The following HIP1 variants were observed in gnomAD, a reference collection of about 807,000 sequenced individuals.
HIP1 encodes huntingtin interacting protein 1, also known as huntingtin-interacting protein 1.
A neutral mutation model predicts 147.6 loss-of-function variants in HIP1; 65 were observed. The observed-to-expected ratio is 0.44, with a 90% CI of 0.36 to 0.54. HIP1 has a LOEUF of 0.54. HIP1 is among the 20% of genes least tolerant of loss of function. The pLI, the probability that HIP1 is intolerant of heterozygous loss-of-function variation, is 0.00. For missense variants in HIP1, 1,061 were observed against 1,299.6 expected (o/e 0.82, Z 2.82); for synonymous variants, 479 against 504.0 (o/e 0.95, Z 0.67).
At chr7:75,636,514 A>G (rs1392753640) in intron 1 of HIP1, among the ~76,000 whole-genome samples, 1 of 152,242 alleles carries the variant, frequency 6.6e-6, no homozygotes. Context: ...CCCCAGAGCG[A>G]GGACTTCAAA....
chr7:75,732,016 CT>C (rs782716247), intron 1 of HIP1, among the ~76,000 whole-genome samples: 6 of 152,276 alleles, frequency 3.9e-5, no homozygotes, highest in Non-Finnish European at 8.8e-5. Context: ...AATTTTTTAG[CT>C]GCTGAACTAA....
rs1243287966 is a variant in HIP1 at position 75,537,527 on chromosome 7, A to T, written c.*645T>A. On this transcript the variant is annotated 3_prime_UTR_variant, in exon 31 of 31. Coordinates refer to ENST00000336926, the MANE Select transcript of HIP1 (RefSeq NM_005338.7). ...TATGTGAGTGAAACTTAAAAAAAAA[A>T]ACAAAACCAAAAAACCCAACCAACC... The T allele has an allele frequency of 8.6e-6, 2 of 232,474 alleles. No homozygotes were observed. The highest frequency in any genetic ancestry group is 4.4e-5 in the African/African-American group (2 of 45,202). The allele number at this position is 232,474 out of a possible 1,614,324, so 14.4% of individuals were successfully genotyped here.
intron 1 of HIP1, among the ~76,000 whole-genome samples, chr7:75,609,806 C>T (rs1207409378): frequency 1.3e-5 from 2 of 151,816 alleles, no homozygotes; most frequent in African/African-American, 4.8e-5. Context: ...TCTTCCGCCT[C>T]GGCCTCCCAA....
intron 1 of HIP1, among the ~76,000 whole-genome samples, chr7:75,624,241 G>A (rs1351262823): frequency 1.1e-4 from 16 of 152,216 alleles, no homozygotes; most frequent in Admixed American, 9.8e-4. Flanking sequence ...GACCCAGGGA[G>A]TGAGAACAAG....
chr7:75,544,636 T>C, intron 27 of HIP1, 59 bp downstream of exon 27: 2 of 1,024,000 alleles, frequency 2.0e-6, no homozygotes, highest in Non-Finnish European at 3.1e-6. Context: ...CTCTTTAACC[T>C]AGCCTAGTAC....
At chr7:75,584,303 G>A (rs1315677676) in intron 5 of HIP1, among the ~76,000 whole-genome samples, 5 of 151,890 alleles carry the variant, frequency 3.3e-5, no homozygotes, top group African/African-American at 9.7e-5. Flanking sequence ...TCACTGTGTT[G>A]CCCAGGCTGG....
chr7:75,660,040 C>T (rs931006146), intron 1 of HIP1, among the ~76,000 whole-genome samples: 11 of 150,036 alleles, frequency 7.3e-5, no homozygotes, highest in Admixed American at 2.0e-4. Context: ...GCGGAAGAAT[C>T]GCGTGAACCG....
At chr7:75,555,904 A>G in intron 18 of HIP1, 122 bp downstream of exon 18, 1 of 1,200,172 alleles carries the variant, frequency 8.3e-7, no homozygotes, top group Non-Finnish European at 1.2e-6. Context: ...ATGTCTGCAC[A>G]ATCAGGCCAA....
In HIP1 at chr7:75,563,173, GT is replaced by G; in HGVS notation, c.879+14del. 6.2e-7 allele frequency: 1 copy of G among 1,614,162 alleles called. No individual in the cohort carries two copies. The highest frequency in any genetic ancestry group is 8.5e-7 in the Non-Finnish European group (1 of 1,179,970). Reference sequence around the variant, plus strand: ...GCCTCTGCAGTGCCGAGGGTGTGTGGTTGGGCATGCTTACCTCAGGCAGCTG... The same window carrying G: ...GCCTCTGCAGTGCCGAGGGTGTGTGGTGGGCATGCTTACCTCAGGCAGCTG... On this transcript the variant is annotated intron_variant, in intron 10 of 30. Transcript: ENST00000336926.
intron 4 of HIP1, among the ~76,000 whole-genome samples, chr7:75,589,115 C>A (rs1358759481): frequency 1.2e-4 from 18 of 149,714 alleles, no homozygotes; most frequent in African/African-American, 1.5e-4. Context: ...GTGCCATTGC[C>A]CTCCAGCCTG....
intron 30 of HIP1, among the ~76,000 whole-genome samples, chr7:75,538,570 C>CTT (rs67030357): frequency 2.1e-3 from 233 of 112,870 alleles, no homozygotes; most frequent in Middle Eastern, 4.5e-3. Context: ...CTGATCCCTT[C>CTT]TTTTTTTTTT....
intron 1 of HIP1, among the ~76,000 whole-genome samples, chr7:75,674,334 G>A (rs2705818): frequency 6.6e-6 from 1 of 151,964 alleles, no homozygotes. Context: ...TTAGCCATGG[G>A]TTTTTTTGTT....
chr7:75,659,795 T>C (rs181997549), intron 1 of HIP1, among the ~76,000 whole-genome samples: 15 of 152,242 alleles, frequency 9.9e-5, no homozygotes, highest in African/African-American at 3.4e-4. Flanking sequence ...GTACCCACCA[T>C]ATGCGAGCAC....
chr7:75,633,629 A>G (rs1554509243), intron 1 of HIP1, among the ~76,000 whole-genome samples: 1 of 152,136 alleles, frequency 6.6e-6, no homozygotes, highest in East Asian at 1.9e-4. Context: ...GAAACCCACT[A>G]AATGGATTTT....
intron 13 of HIP1, 26 bp from the exon 14 acceptor site, chr7:75,559,941 C>A: frequency 6.4e-7 from 1 of 1,562,242 alleles, no homozygotes; most frequent in Non-Finnish European, 8.6e-7. Flanking sequence ...GGTCATGAGG[C>A]CAACCGCCCA....
At chr7:75,664,209 T>C (rs1433822687) in intron 1 of HIP1, among the ~76,000 whole-genome samples, 1 of 145,306 alleles carries the variant, frequency 6.9e-6, no homozygotes, top group South Asian at 2.1e-4. Flanking sequence ...TATACATATG[T>C]ATATATACAT....
rs1358981603 is a variant in HIP1 at position 75,581,097 on chromosome 7, G to A, written c.604+140C>T. The A allele has an allele frequency of 7.4e-5, 48 of 644,980 alleles. No individual in the cohort carries two copies. The South Asian group carries it at 7.9e-4, about 11-fold the overall frequency. 40.0% of individuals were successfully genotyped at this position (644,980 alleles called of 1,614,324 possible). A position where few individuals can be genotyped will look rare whatever the true frequency, so the allele number is the denominator to read the frequency against. ...GAAGAGGTTCAGTCCCTCCCTGCAC[G>A]AGGGTTGGAGAGACCAGAGATGGGG... On this transcript the variant is annotated intron_variant, in intron 7 of 30. Transcript: ENST00000336926.
At chr7:75,613,316 C>T (rs1554505399) in intron 1 of HIP1, among the ~76,000 whole-genome samples, 2 of 152,034 alleles carry the variant, frequency 1.3e-5, no homozygotes, top group African/African-American at 4.8e-5. Flanking sequence ...CAGAGCGTCC[C>T]CACCGTGGGG....
chr7:75,602,303 CTTT>C (rs67019261), intron 1 of HIP1, among the ~76,000 whole-genome samples: 19 of 77,276 alleles, frequency 2.5e-4, no homozygotes, highest in African/African-American at 6.1e-4. Context: ...ACCTGGCCAG[CTTT>C]TTTTTTTTTT....
Sources: gnomAD v4.1 joint callset for allele counts (sites outside exome capture counted in the v4.1 genomes callset) on GRCh38, gnomAD v4.1.1 for gene constraint, MANE v1.5 for transcripts, NCBI Gene and HGNC (gene_info 2026-07-23, HGNC 2026-07-21) for gene names.